MSH4: variants seen among roughly 807,000 people sequenced by gnomAD.
The protein encoded by MSH4 is mutS homolog 4.
In MSH4, 106 loss-of-function variants were observed where a neutral mutation model predicts 113.7. The ratio of observed to expected loss-of-function variants is 0.93; its 90% CI spans 0.80 to 1.10. MSH4 has a LOEUF of 1.10. Among genes scored for constraint, MSH4 ranks in the 50% least tolerant of loss-of-function variants. The pLI, the probability that MSH4 is intolerant of heterozygous loss-of-function variation, is 0.00. For missense variants in MSH4, 1,061 were observed against 1,093.7 expected (o/e 0.97, Z 0.42); for synonymous variants, 368 against 380.2 (o/e 0.97, Z 0.37).
chr1:75,901,204 C>T (rs1415658649), intron 19 of MSH4, among the ~76,000 whole-genome samples: 3 of 152,078 alleles, frequency 2.0e-5, no homozygotes, highest in Admixed American at 6.6e-5. Flanking sequence ...TTGAACTATA[C>T]GACACATATT....
intron 8 of MSH4, among the ~76,000 whole-genome samples, chr1:75,849,435 C>T (rs930556795): frequency 6.6e-6 from 1 of 152,054 alleles, no homozygotes; most frequent in Non-Finnish European, 1.5e-5. Context: ...AAGTCTTGCA[C>T]ATCAATAAAA....
At chr1:75,906,000 A>AT (rs1012406844) in intron 19 of MSH4, among the ~76,000 whole-genome samples, 6 of 150,784 alleles carry the variant, frequency 4.0e-5, no homozygotes, top group Middle Eastern at 3.4e-3. Context: ...TATTTCTTTT[A>AT]TTTTTTTTGA....
In MSH4 at chr1:75,913,139, T is replaced by C. The variant is rs1292270705; in HGVS notation, c.*252T>C. 3 of 201,462 alleles carry C rather than the reference T, an allele frequency of 1.5e-5. No homozygotes were observed. The highest frequency in any genetic ancestry group is 3.0e-5 in the Non-Finnish European group (3 of 101,616). 12.5% of individuals were successfully genotyped at this position (201,462 alleles called of 1,614,324 possible). On this transcript the variant is annotated 3_prime_UTR_variant, in exon 20 of 20. Transcript: ENST00000263187. The stretch of plus-strand genomic sequence containing the variant: ...TACACCACTTTTTTCTCACAAAAAT[T>C]CACATTATTAAGACCTAAGTTCATT...
chr1:75,842,918 A>G (rs573432835), intron 7 of MSH4, among the ~76,000 whole-genome samples: 30 of 152,194 alleles, frequency 2.0e-4, no homozygotes, highest in African/African-American at 6.5e-4. Context: ...GAGGCCTAAC[A>G]GTCTCACTGT....
chr1:75,907,689 CATAT>C (rs71071973), intron 19 of MSH4, among the ~76,000 whole-genome samples: 37,236 of 78,714 alleles, frequency 0.47, 9,320 homozygotes, highest in South Asian at 0.6. Context: ...TCTCTCTATA[CATAT>C]ATATATATAT....
intron 10 of MSH4, 87 bp from the exon 11 acceptor site, chr1:75,878,062 G>A: frequency 2.1e-6 from 2 of 968,270 alleles, no homozygotes; most frequent in Non-Finnish European, 3.0e-6. Context: ...ACAAAAATTT[G>A]CTATCATCAA....
At chr1:75,806,918 T>A (rs1650079788) in intron 2 of MSH4, 63 bp from the exon 3 acceptor site, 1 of 1,417,190 alleles carries the variant, frequency 7.1e-7, no homozygotes, top group African/African-American at 1.5e-5. Context: ...TTCCTAGTTT[T>A]TTTTAAAAAA....
In MSH4 at chr1:75,875,307, A is replaced by G. The variant is rs191373954; in HGVS notation, c.1306-1629A>G. On this transcript the variant is annotated intron_variant, in intron 9 of 19. Transcript: ENST00000263187. ...GATCATGACAGTAATGACGATGAAG[A>G]TGATGTTGTAACACTGCAGAAAAAA... Among the ~76,000 whole-genome samples the G allele has an allele frequency of 2.6e-5, 4 of 152,342 alleles. No individual in the cohort carries two copies. In the East Asian group the frequency reaches 7.7e-4, roughly 29 times the overall value.
intron 19 of MSH4, among the ~76,000 whole-genome samples, chr1:75,901,590 G>T (rs1368563196): frequency 1.3e-5 from 2 of 152,026 alleles, no homozygotes; most frequent in African/African-American, 2.4e-5. Context: ...CCATATCTTG[G>T]CTATTGTGAA....
chr1:75,898,125 A>C, intron 18 of MSH4, 44 bp downstream of exon 18: 1 of 1,297,636 alleles, frequency 7.7e-7, no homozygotes, highest in African/African-American at 1.5e-5. Flanking sequence ...AATACTATAT[A>C]TTCTCCTAAG....
chr1:75,898,896 C>G (rs561803458), intron 18 of MSH4, among the ~76,000 whole-genome samples: 2 of 152,010 alleles, frequency 1.3e-5, no homozygotes, highest in Non-Finnish European at 2.9e-5. Flanking sequence ...AATTTATGAG[C>G]CTCAATTTCA....
At chr1:75,827,961 C>T (rs769912078) in intron 7 of MSH4, among the ~76,000 whole-genome samples, 3 of 152,072 alleles carry the variant, frequency 2.0e-5, no homozygotes, top group Admixed American at 6.6e-5. Flanking sequence ...CACATTAGTT[C>T]CCTTATTTGA....
At chr1:75,862,137 C>T (rs1028475122) in intron 8 of MSH4, among the ~76,000 whole-genome samples, 1 of 152,094 alleles carries the variant, frequency 6.6e-6, no homozygotes, top group African/African-American at 2.4e-5. Context: ...TTGTGAAGAC[C>T]GTGGGAAAAG....
intron 7 of MSH4, among the ~76,000 whole-genome samples, chr1:75,832,631 A>C (rs1166656591): frequency 1.3e-5 from 2 of 152,210 alleles, no homozygotes; most frequent in Admixed American, 6.5e-5. Context: ...GTGGTTCAAC[A>C]TACTTTGAAG....
intron 17 of MSH4, among the ~76,000 whole-genome samples, chr1:75,892,659 G>A (rs1440124913): frequency 1.3e-5 from 2 of 152,184 alleles, no homozygotes; most frequent in Non-Finnish European, 2.9e-5. Flanking sequence ...AGTTGGGAAA[G>A]CAAAGGATGA....
intron 7 of MSH4, among the ~76,000 whole-genome samples, chr1:75,827,500 A>C (rs1461419128): frequency 6.6e-6 from 1 of 152,172 alleles, no homozygotes; most frequent in East Asian, 1.9e-4. Flanking sequence ...TTAACCTTAA[A>C]TGTAAATGGG....
chr1:75,815,058 A>G lies in MSH4; in HGVS notation c.737A>G (p.Asn246Ser), dbSNP rs763477783. 2.2e-5 allele frequency: 35 copies of G among 1,604,846 alleles called. No individual in the cohort carries two copies. Among genetic ancestry groups the G allele is most frequent in the African/African-American group, 1.3e-4 (10 of 74,668 alleles). Residue 246 changes from asparagine to serine, a missense_variant, in exon 5 of 20, where the codon AAT becomes AGT. Physicochemically the swap from Asn to Ser is conservative, Grantham distance 46. Transcript: ENST00000263187. ...ACTACTATCCAAAGGAAATACTTCA[A>G]TGAAACAAAAGGATTAGAGTACATT... ...NFTTIQRKYF[N>S]ETKGLEYIEQ...
intron 6 of MSH4, 72 bp from the exon 7 acceptor site, chr1:75,822,337 A>T: frequency 1.1e-6 from 1 of 930,724 alleles, no homozygotes; most frequent in Non-Finnish European, 1.6e-6. Context: ...AGGATTATTT[A>T]ATTACAAAGT....
chr1:75,850,582 C>T (rs1289115271), intron 8 of MSH4, among the ~76,000 whole-genome samples: 5 of 151,976 alleles, frequency 3.3e-5, no homozygotes, highest in African/African-American at 4.8e-5. Context: ...TAGAGTTAAT[C>T]TTGGTAAATG....
Sources: gnomAD v4.1 joint callset for allele counts (sites outside exome capture counted in the v4.1 genomes callset) on GRCh38, gnomAD v4.1.1 for gene constraint, MANE v1.5 for transcripts, NCBI Gene and HGNC (gene_info 2026-07-23, HGNC 2026-07-21) for gene names.